The following PRH1 variants were observed in gnomAD, a reference collection of about 807,000 sequenced individuals.
PRH1 encodes the protein salivary acidic proline-rich phosphoprotein 1/2.
In PRH1, 7 loss-of-function variants were observed where a neutral mutation model predicts 7.9. The observed-to-expected ratio is 0.89, with a 90% CI of 0.50 to 1.67. The LOEUF is 1.67. Ranked by LOEUF, PRH1 falls within the 40% of genes most tolerant of loss-of-function variation. The probability of loss-of-function intolerance (pLI) is 0.00; values close to 1 mark genes in which losing one functional copy is unlikely to be tolerated. For missense variants in PRH1, 109 were observed against 223.6 expected, an observed-to-expected ratio of 0.49 and a Z score of 3.27; for synonymous variants, 45 against 80.8, an observed-to-expected ratio of 0.56 and a Z score of 2.38.
At chr12:11,071,382 T>G (rs1161213432) in intron 1 of PRH1, among the ~76,000 whole-genome samples, 1 of 152,146 alleles carries the variant, frequency 6.6e-6, no homozygotes, top group African/African-American at 2.4e-5. Flanking sequence ...GGGAAAATTA[T>G]AAAATAAAAA....
At chr12:10,948,662 A>AAC (rs1950524521) in intron 2 of PRH1, among the ~76,000 whole-genome samples, 3 of 152,162 alleles carry the variant, frequency 2.0e-5, no homozygotes, top group Admixed American at 6.5e-5. Flanking sequence ...CTTGTTGGAA[A>AAC]ACTGCTGTAG....
At chr12:11,084,944 T>G (rs1262868632) in intron 1 of PRH1, among the ~76,000 whole-genome samples, 1 of 112,816 alleles carries the variant, frequency 8.9e-6, no homozygotes, top group East Asian at 2.1e-4. Context: ...TCCTGAATAC[T>G]TGGGATTACA....
intron 1 of PRH1, among the ~76,000 whole-genome samples, chr12:11,170,716 G>A (rs1947808189): frequency 6.6e-6 from 1 of 152,164 alleles, no homozygotes; most frequent in Non-Finnish European, 1.5e-5. Context: ...TTGTATGTAT[G>A]TCCTTATGTA....
chr12:10,904,241 A>G (rs1949770172), intron 2 of PRH1, among the ~76,000 whole-genome samples: 1 of 151,960 alleles, frequency 6.6e-6, no homozygotes, highest in Non-Finnish European at 1.5e-5. Flanking sequence ...GCAAAAAGAA[A>G]AAAGCCAGAG....
chr12:11,091,983 T>C lies in PRH1; in HGVS notation n.124-44795A>G, dbSNP rs758957841. On this transcript the variant is annotated intron_variant and non_coding_transcript_variant, in intron 1 of 4. Transcript: ENST00000541977. ...ATCACTGCCCAGATATTATAAGCAG[T>C]AGTTCTTACTTCTACACTATTAAAA... The C allele has an allele frequency of 1.5e-6, 2 of 1,341,214 alleles. No homozygotes were observed. The highest frequency in any genetic ancestry group is 3.6e-4 in the Middle Eastern group (2 of 5,610). The allele number at this position is 1,341,214 out of a possible 1,614,324, so 83.1% of individuals were successfully genotyped here. A position where few individuals can be genotyped will look rare whatever the true frequency, so the allele number is the denominator to read the frequency against.
intron 1 of PRH1, chr12:11,022,701 T>C: frequency 1.4e-6 from 1 of 690,370 alleles, no homozygotes; most frequent in Non-Finnish European, 2.4e-6. Context: ...ATTCAGTGAC[T>C]AGTGTCAACA....
chr12:11,083,091 AAT>A (rs1471076736), intron 1 of PRH1, among the ~76,000 whole-genome samples: 3 of 117,256 alleles, frequency 2.6e-5, no homozygotes, highest in African/African-American at 5.7e-5. Context: ...AAAATCTTTG[AAT>A]GGTAAAAAAT....
chr12:11,171,080 TACATGCTATATAAC>T, intron 1 of PRH1: 1 of 370,604 alleles, frequency 2.7e-6, no homozygotes, highest in Non-Finnish European at 4.8e-6. Context: ...TGGATGTTCG[TACATGCTATATAAC>T]ACATCCTATT....
chr12:10,955,807 C>G (rs1039854350), intron 2 of PRH1, among the ~76,000 whole-genome samples: 1 of 152,128 alleles, frequency 6.6e-6, no homozygotes, highest in African/African-American at 2.4e-5. Context: ...CACCTCTATG[C>G]CCACAAGCTA....
chr12:11,060,736 A>C (rs75579239), intron 1 of PRH1, among the ~76,000 whole-genome samples: 16 of 103,690 alleles, frequency 1.5e-4, no homozygotes, highest in East Asian at 3.2e-4. Context: ...CTTACTCTAC[A>C]TATGCTTGTC....
intron 2 of PRH1, chr12:10,973,408 A>G (rs923463629): frequency 5.7e-6 from 2 of 348,690 alleles, no homozygotes; most frequent in Non-Finnish European, 1.0e-5. Flanking sequence ...TCTGATGGCC[A>G]GGACAGAAAC....
At chr12:10,929,962 A>G (rs1950179811) in intron 2 of PRH1, among the ~76,000 whole-genome samples, 1 of 152,206 alleles carries the variant, frequency 6.6e-6, no homozygotes, top group Admixed American at 6.5e-5. Flanking sequence ...AAGAGGGCAG[A>G]AGGATCCCCA....
chr12:11,001,796 G>A (rs372399250), intron 1 of PRH1, among the ~76,000 whole-genome samples: 1 of 152,092 alleles, frequency 6.6e-6, no homozygotes, highest in East Asian at 1.9e-4. Flanking sequence ...GTAAAAAGGA[G>A]TAGAAGTACA....
upstream of PRH1, among the ~76,000 whole-genome samples, chr12:10,889,224 C>T (rs1159066572): frequency 1.3e-5 from 2 of 152,084 alleles, no homozygotes; most frequent in East Asian, 1.9e-4. Context: ...AGGTTTCTAG[C>T]TTTTCTTTTT....
intron 1 of PRH1, among the ~76,000 whole-genome samples, chr12:11,138,572 T>C (rs570499306): frequency 1.5e-4 from 23 of 152,328 alleles, no homozygotes; most frequent in South Asian, 8.3e-4. Flanking sequence ...CTATAGTTTA[T>C]TGGAAATTCA....
chr12:11,109,701 A>G (rs533626874), intron 1 of PRH1, among the ~76,000 whole-genome samples: 2 of 152,186 alleles, frequency 1.3e-5, no homozygotes, highest in Non-Finnish European at 2.9e-5. Flanking sequence ...AGAAAAATCC[A>G]TGATGATGAG....
chr12:11,072,620 A>C lies in PRH1; in HGVS notation n.124-25432T>G, dbSNP rs1220594129. Among the ~76,000 whole-genome samples the C allele has an allele frequency of 3.9e-5, 6 of 152,320 alleles. No individual in the cohort carries two copies. The East Asian group carries it at 1.2e-3, about 29-fold the overall frequency. ...TGGTAGTCTTTTTACATCCCTCTCC[A>C]CTTAACCTAAATGGCCTCTACCAAA... On this transcript the variant is annotated intron_variant and non_coding_transcript_variant, in intron 1 of 4. Transcript: ENST00000541977.
At chr12:11,128,806 A>G (rs1351394404) in intron 1 of PRH1, among the ~76,000 whole-genome samples, 1 of 152,240 alleles carries the variant, frequency 6.6e-6, no homozygotes, top group African/African-American at 2.4e-5. Flanking sequence ...TTAGGAGTTA[A>G]TATACTATTT....
intron 1 of PRH1, among the ~76,000 whole-genome samples, chr12:11,080,105 G>C (rs567333694): frequency 1.1e-3 from 142 of 134,732 alleles, no homozygotes; most frequent in African/African-American, 1.7e-3. Context: ...CATATCTCCT[G>C]TGATAAGCAA....
Sources: allele counts gnomAD v4.1 joint callset (sites outside exome capture counted in the v4.1 genomes callset), GRCh38; gene constraint gnomAD v4.1.1; transcripts MANE v1.5; gene names NCBI Gene and HGNC (gene_info 2026-07-23, HGNC 2026-07-21).